CYP7B1: variants seen among roughly 807,000 people sequenced by gnomAD.
CYP7B1 encodes the protein cytochrome P450 7B1.
CYP7B1 carries 29 observed loss-of-function variants against 42.7 expected under a neutral mutation model. The observed-to-expected ratio is 0.68, with a 90% CI of 0.51 to 0.93. The LOEUF (loss-of-function observed/expected upper bound fraction) is 0.93. Among genes scored for constraint, CYP7B1 ranks in the 40% least tolerant of loss-of-function variants. CYP7B1 has a pLI of 0.00. For synonymous variants in CYP7B1, 235 were observed against 218.2 expected (o/e 1.08, Z -0.68); for missense variants, 655 against 600.5 (o/e 1.09, Z -0.95).
At chr8:64,669,543 T>C (rs1806333547) in intron 1 of CYP7B1, among the ~76,000 whole-genome samples, 1 of 152,198 alleles carries the variant, frequency 6.6e-6, no homozygotes, top group African/African-American at 2.4e-5. Context: ...ATTTCTTATA[T>C]AATAATTATT....
intron 1 of CYP7B1, among the ~76,000 whole-genome samples, chr8:64,761,581 G>A (rs1048008377): frequency 6.6e-6 from 1 of 152,060 alleles, no homozygotes; most frequent in African/African-American, 2.4e-5. Flanking sequence ...GTACAGATTT[G>A]TCACTAGGAA....
intron 1 of CYP7B1, among the ~76,000 whole-genome samples, chr8:64,640,204 C>A (rs947718238): frequency 1.3e-5 from 2 of 152,038 alleles, no homozygotes; most frequent in Non-Finnish European, 2.9e-5. Flanking sequence ...GTGTTCTAAA[C>A]CGGATTGTGG....
chr8:64,692,856 T>C (rs1191814242), intron 1 of CYP7B1, among the ~76,000 whole-genome samples: 1 of 152,244 alleles, frequency 6.6e-6, no homozygotes, highest in Non-Finnish European at 1.5e-5. Context: ...TTCCAAACTG[T>C]TCTCGAGCCA....
chr8:64,599,343 C>T (rs1270613405), intron 5 of CYP7B1, among the ~76,000 whole-genome samples: 1 of 152,098 alleles, frequency 6.6e-6, no homozygotes, highest in Non-Finnish European at 1.5e-5. Context: ...CGCCCACCAC[C>T]ACGCCCGGCT....
intron 1 of CYP7B1, among the ~76,000 whole-genome samples, chr8:64,701,950 C>T (rs1011630683): frequency 2.0e-5 from 3 of 151,952 alleles, no homozygotes; most frequent in African/African-American, 7.3e-5. Flanking sequence ...TATTTTATAA[C>T]AGATGAAATT....
intron 1 of CYP7B1, among the ~76,000 whole-genome samples, chr8:64,677,392 T>C (rs1005475889): frequency 2.5e-5 from 3 of 121,558 alleles, no homozygotes; most frequent in Non-Finnish European, 3.4e-5. Flanking sequence ...TAAAAGTTCT[T>C]ACAGGAAAAG....
intron 5 of CYP7B1, among the ~76,000 whole-genome samples, chr8:64,602,695 G>T (rs891315596): frequency 2.0e-5 from 3 of 152,162 alleles, no homozygotes; most frequent in African/African-American, 4.8e-5. Context: ...CATGTTCTCA[G>T]CAACAAATGG....
intron 4 of CYP7B1, 97 bp from the exon 5 acceptor site, chr8:64,604,954 G>A: frequency 7.4e-7 from 1 of 1,342,634 alleles, no homozygotes; most frequent in South Asian, 1.2e-5. Flanking sequence ...AGCCTTGATT[G>A]AAAAGGAAAC....
intron 5 of CYP7B1, among the ~76,000 whole-genome samples, chr8:64,602,123 T>C (rs1805213195): frequency 6.6e-6 from 1 of 152,240 alleles, no homozygotes; most frequent in Non-Finnish European, 1.5e-5. Context: ...GAGATGGGAA[T>C]GACATAGTCC....
At chr8:64,670,211 A>G (rs1365701711) in intron 1 of CYP7B1, among the ~76,000 whole-genome samples, 3 of 152,258 alleles carry the variant, frequency 2.0e-5, no homozygotes, top group Non-Finnish European at 4.4e-5. Context: ...CCTTACCTGA[A>G]AGTCAGATAC....
intron 1 of CYP7B1, among the ~76,000 whole-genome samples, chr8:64,690,981 G>C (rs1585858607): frequency 6.6e-6 from 1 of 152,122 alleles, no homozygotes; most frequent in Non-Finnish European, 1.5e-5. Context: ...TCCTCCTCCT[G>C]GTTTGATGAG....
At chr8:64,589,620 T>C (rs1240750264), downstream of CYP7B1, among the ~76,000 whole-genome samples, 1 of 152,240 alleles carries the variant, frequency 6.6e-6, no homozygotes, top group Non-Finnish European at 1.5e-5. Context: ...AAAAGTTTGG[T>C]ATCTATCAGG....
chr8:64,752,395 CGTGTGTGT>C lies in CYP7B1; in HGVS notation c.122+46063_122+46070del, dbSNP rs5891973. Among the ~76,000 whole-genome samples, 102 of 148,278 alleles carry C rather than the reference CGTGTGTGT, an allele frequency of 6.9e-4. 3 individuals are homozygous for C. Among genetic ancestry groups the C allele is most frequent in the African/African-American group, 2.3e-3 (93 of 40,880 alleles). On this transcript the variant is annotated intron_variant, in intron 1 of 5. Coordinates refer to ENST00000310193, the MANE Select transcript of CYP7B1 (RefSeq NM_004820.5). Reference sequence around the variant, plus strand: ...AATTGTGTGTGTGTATGTGCATGTGCGTGTGTGTGTGTGTGTGTGTGTGTGTATAAATC... The same window carrying C: ...AATTGTGTGTGTGTATGTGCATGTGCGTGTGTGTGTGTGTGTGTATAAATC...
intron 1 of CYP7B1, among the ~76,000 whole-genome samples, chr8:64,697,115 G>C (rs1806840662): frequency 6.6e-6 from 1 of 152,148 alleles, no homozygotes; most frequent in Admixed American, 6.6e-5. Context: ...CTGCCAATCT[G>C]TTTGGAGAAT....
At chr8:64,786,858 T>C (rs1167593060) in intron 1 of CYP7B1, among the ~76,000 whole-genome samples, 3 of 152,242 alleles carry the variant, frequency 2.0e-5, no homozygotes, top group Non-Finnish European at 2.9e-5. Context: ...TCCTCTGTAA[T>C]CTAGGCAGAG....
intron 1 of CYP7B1, among the ~76,000 whole-genome samples, chr8:64,731,303 C>G (rs1467772598): frequency 6.6e-6 from 1 of 152,068 alleles, no homozygotes; most frequent in African/African-American, 2.4e-5. Context: ...ACTTCCTGGT[C>G]TCAGATGGAG....
chr8:64,654,945 G>C (rs1324949720), intron 1 of CYP7B1, among the ~76,000 whole-genome samples: 1 of 152,156 alleles, frequency 6.6e-6, no homozygotes, highest in Admixed American at 6.5e-5. Flanking sequence ...TCAATAAATG[G>C]TGTTGAGGTA....
At chr8:64,623,670 T>C (rs1329347625) in intron 2 of CYP7B1, among the ~76,000 whole-genome samples, 1 of 152,198 alleles carries the variant, frequency 6.6e-6, no homozygotes, top group Non-Finnish European at 1.5e-5. Flanking sequence ...TCATTTTTCT[T>C]GGTGTTTTGG....
chr8:64,693,269 G>C (rs1806774767), intron 1 of CYP7B1, among the ~76,000 whole-genome samples: 1 of 152,254 alleles, frequency 6.6e-6, no homozygotes, highest in Non-Finnish European at 1.5e-5. Flanking sequence ...AAGTGTGCAT[G>C]TGTGCATGCA....
Sources: allele counts gnomAD v4.1 joint callset (sites outside exome capture counted in the v4.1 genomes callset), GRCh38; gene constraint gnomAD v4.1.1; transcripts MANE v1.5; gene names NCBI Gene and HGNC (gene_info 2026-07-23, HGNC 2026-07-21).